AGAP1: variants seen among roughly 807,000 people sequenced by gnomAD.
The protein encoded by AGAP1 is ArfGAP with GTPase domain, ankyrin repeat and PH domain 1, also known as arf-GAP with GTPase, ANK repeat and PH domain-containing protein 1.
A neutral mutation model predicts 105.3 loss-of-function variants in AGAP1; 29 were observed. The observed-to-expected ratio is 0.28, with a 90% CI of 0.21 to 0.38. AGAP1 has a LOEUF of 0.38. AGAP1 is among the 10% of genes least tolerant of loss of function. The pLI, the probability that AGAP1 is intolerant of heterozygous loss-of-function variation, is 1.00. For missense variants in AGAP1, 998 were observed against 1,165.1 expected (o/e 0.86, Z 2.09); for synonymous variants, 509 against 485.9 (o/e 1.05, Z -0.63).
intron 12 of AGAP1, among the ~76,000 whole-genome samples, chr2:235,941,480 A>C (rs2053255612): frequency 2.0e-5 from 3 of 152,206 alleles, no homozygotes; most frequent in Admixed American, 2.0e-4. Context: ...ATAATCACTA[A>C]GGAAACAAAT....
At chr2:235,770,425 A>G (rs55797253) in intron 6 of AGAP1, among the ~76,000 whole-genome samples, 38,380 of 151,502 alleles carry the variant, frequency 0.25, 5,204 homozygotes, top group Admixed American at 0.39. Flanking sequence ...GTGAGCCACC[A>G]CGCCTGGCCT....
intron 16 of AGAP1, among the ~76,000 whole-genome samples, chr2:236,054,584 C>T (rs1416788526): frequency 6.6e-6 from 1 of 151,970 alleles, no homozygotes; most frequent in African/African-American, 2.4e-5. Flanking sequence ...GGCATCTGCT[C>T]CCCACATGTC....
At chr2:235,921,598 C>T (rs2125106343) in intron 11 of AGAP1, among the ~76,000 whole-genome samples, 1 of 152,224 alleles carries the variant, frequency 6.6e-6, no homozygotes, top group African/African-American at 2.4e-5. Context: ...TAAGCCTGGC[C>T]ACGTTGCTGT....
chr2:235,763,946 C>G (rs1182364650), intron 6 of AGAP1, among the ~76,000 whole-genome samples: 1 of 152,024 alleles, frequency 6.6e-6, no homozygotes, highest in Non-Finnish European at 1.5e-5. Context: ...AGCCGTGCTC[C>G]CCAGAATGCT....
intron 13 of AGAP1, among the ~76,000 whole-genome samples, chr2:235,972,729 G>T (rs1157013679): frequency 6.6e-6 from 1 of 152,138 alleles, no homozygotes; most frequent in African/African-American, 2.4e-5. Context: ...CCAGGACCAA[G>T]ACAAAACCAA....
rs986385175 is a variant in AGAP1 at position 235,720,853 on chromosome 2, G to A, written c.310+3209G>A. 1.3e-5 allele frequency: 4 copies of A among 304,732 alleles called. No individual in the cohort carries two copies. The highest frequency in any genetic ancestry group is 9.1e-5 in the African/African-American group (4 of 44,098). The allele number at this position is 304,732 out of a possible 1,614,324, so 18.9% of individuals were successfully genotyped here. A position where few individuals can be genotyped will look rare whatever the true frequency, so the allele number is the denominator to read the frequency against. On this transcript the variant is annotated intron_variant, in intron 3 of 17. Coordinates refer to ENST00000304032, the MANE Select transcript of AGAP1 (RefSeq NM_001037131.3). This position sits in a 1 kb window ranked among gnomAD's most constrained non-coding sequence, Gnocchi z 5.0. ...CATTTCTGGTGCAGAGCCGTCTCCA[G>A]ATCCAAGCCTGCTTTTCCTCAGATA...
chr2:235,866,697 A>G lies in AGAP1; in HGVS notation c.1051-16648A>G, dbSNP rs183987659. On this transcript the variant is annotated intron_variant, in intron 9 of 17. Coordinates refer to ENST00000304032, the MANE Select transcript of AGAP1 (RefSeq NM_001037131.3). This position sits in a 1 kb window ranked among gnomAD's most constrained non-coding sequence, Gnocchi z 6.1. The stretch of plus-strand genomic sequence containing the variant: ...AACAGCAAACATTTATTGTCTCCCA[A>G]TTCTGGAGGCTGGAAGTCTTGGATC... Among the ~76,000 whole-genome samples, 3 of 152,334 alleles carry G rather than the reference A, an allele frequency of 2.0e-5. No homozygotes were observed. The highest frequency in any genetic ancestry group is 1.9e-4 in the East Asian group (1 of 5,186).
chr2:236,014,397 C>G lies in AGAP1; in HGVS notation c.1646-22164C>G, dbSNP rs1415264819. 1.3e-5 allele frequency among the ~76,000 whole-genome samples: 2 copies of G among 152,176 alleles called. No homozygotes were observed. ...CCAGGGTCTCTTGATTTGACATGCT[C>G]CTAATATTTGGCCGAATCAAAGGGC... On this transcript the variant is annotated intron_variant, in intron 13 of 17. Coordinates refer to ENST00000304032, the MANE Select transcript of AGAP1 (RefSeq NM_001037131.3). The surrounding 1 kb of genome is among the most constrained non-coding windows in gnomAD (Gnocchi z 6.3).
At chr2:235,836,934 ACAACT>A (rs1960234549) in intron 9 of AGAP1, among the ~76,000 whole-genome samples, 1 of 152,092 alleles carries the variant, frequency 6.6e-6, no homozygotes, top group Admixed American at 6.5e-5. Flanking sequence ...ACTGGAGATC[ACAACT>A]CAGGCAGCTG....
intron 9 of AGAP1, among the ~76,000 whole-genome samples, chr2:235,859,185 C>G (rs528178671): frequency 6.6e-6 from 1 of 152,090 alleles, no homozygotes; most frequent in Non-Finnish European, 1.5e-5. Flanking sequence ...TTCCATTAGC[C>G]GTACTCTGGG....
chr2:235,497,758 C>G lies in AGAP1; in HGVS notation c.163+2909C>G, dbSNP rs1396251852. On this transcript the variant is annotated intron_variant, in intron 1 of 17. Transcript: ENST00000304032. ...TACAGGCGCCCACCACCTCGCCTGG[C>G]TAATTTTTTCTGTTTTTTTAGTAGA... Among the ~76,000 whole-genome samples, 7 of 152,206 alleles carry G rather than the reference C, an allele frequency of 4.6e-5. No homozygotes were observed. In the East Asian group the frequency reaches 1.3e-3, roughly 29 times the overall value.
rs1423635333 is a variant in AGAP1 at position 235,977,279 on chromosome 2, G to C, written c.1645+8656G>C. ...GTCATTTTCTTGATGGTCTCAAAAT[G>C]TTTGAGCTCTGAGGCTTTTCGGATG... On this transcript the variant is annotated intron_variant, in intron 13 of 17. Coordinates refer to ENST00000304032, the MANE Select transcript of AGAP1 (RefSeq NM_001037131.3). The surrounding 1 kb of genome is among the most constrained non-coding windows in gnomAD (Gnocchi z 5.2). 6.6e-6 allele frequency among the ~76,000 whole-genome samples: 1 copy of C among 151,976 alleles called. No homozygotes were observed. The highest frequency in any genetic ancestry group is 1.5e-5 in the Non-Finnish European group (1 of 68,012).
At chr2:235,681,010 C>A (rs370963814) in intron 1 of AGAP1, among the ~76,000 whole-genome samples, 3 of 152,044 alleles carry the variant, frequency 2.0e-5, no homozygotes, top group East Asian at 3.9e-4. Context: ...TCTAGCCCCC[C>A]CTCCCCCTTT....
chr2:235,734,806 A>G lies in AGAP1; in HGVS notation c.311-6157A>G, dbSNP rs1320702969. Among the ~76,000 whole-genome samples, 1 of 152,240 alleles carries G rather than the reference A, an allele frequency of 6.6e-6. No individual in the cohort carries two copies. Among genetic ancestry groups the G allele is most frequent in the Non-Finnish European group, 1.5e-5 (1 of 68,046 alleles). On this transcript the variant is annotated intron_variant, in intron 3 of 17. Coordinates refer to ENST00000304032, the MANE Select transcript of AGAP1 (RefSeq NM_001037131.3). The surrounding 1 kb of genome is among the most constrained non-coding windows in gnomAD (Gnocchi z 5.3). ...TTTCTGTAGGGCTTGTCTTAGCAGA[A>G]GTTCACATGGAAGAGAGGAGGCGTA...
chr2:235,654,524 A>G (rs921737018), intron 1 of AGAP1, among the ~76,000 whole-genome samples: 7 of 152,354 alleles, frequency 4.6e-5, no homozygotes, highest in Non-Finnish European at 7.3e-5. Context: ...TTGCTGTCGC[A>G]GTGTAGTAAA....
At position 235,649,220 on chromosome 2, in the gene AGAP1, C is replaced by T. The variant is rs368221342; in HGVS notation, c.164-59959C>T. Among the ~76,000 whole-genome samples, 14 of 152,218 alleles carry T rather than the reference C, an allele frequency of 9.2e-5. No homozygotes were observed. In the East Asian group the frequency reaches 1.9e-3, roughly 21 times the overall value. On this transcript the variant is annotated intron_variant, in intron 1 of 17. Coordinates refer to ENST00000304032, the MANE Select transcript of AGAP1 (RefSeq NM_001037131.3). ...GGAGGATTTTGTGGGGCAGTGGGAA[C>T]ATCAGTCTTTCCTAGGCTCAGGAGT...
Position 235,799,851 on chromosome 2 carries a change from A to T in AGAP1, c.957+329A>T, listed in dbSNP as rs1957408354. 6.6e-6 allele frequency among the ~76,000 whole-genome samples: 1 copy of T among 152,122 alleles called. No homozygotes were observed. The highest frequency in any genetic ancestry group is 2.4e-5 in the African/African-American group (1 of 41,414). On this transcript the variant is annotated intron_variant, in intron 8 of 17. Coordinates refer to ENST00000304032, the MANE Select transcript of AGAP1 (RefSeq NM_001037131.3). This position sits in a 1 kb window ranked among gnomAD's most constrained non-coding sequence, Gnocchi z 5.0. ...GAGATGACAAAACTCTAAGATTCCC[A>T]GATGTGTGTCTCTAACCGTTCAGAT...
chr2:235,902,397 A>G (rs2051107203), intron 10 of AGAP1, among the ~76,000 whole-genome samples: 1 of 152,148 alleles, frequency 6.6e-6, no homozygotes, highest in Non-Finnish European at 1.5e-5. Flanking sequence ...TTGCCCTTTG[A>G]ATGATCTTTT....
intron 1 of AGAP1, among the ~76,000 whole-genome samples, chr2:235,503,020 T>G (rs1559205895): frequency 6.6e-6 from 1 of 152,190 alleles, no homozygotes; most frequent in Non-Finnish European, 1.5e-5. Flanking sequence ...AAGTTAAACA[T>G]TTTTTAAAAA....
Sources: allele counts gnomAD v4.1 joint callset (sites outside exome capture counted in the v4.1 genomes callset), GRCh38; gene constraint gnomAD v4.1.1; non-coding constraint Gnocchi (gnomAD v3.1); transcripts MANE v1.5; gene names NCBI Gene and HGNC (gene_info 2026-07-23, HGNC 2026-07-21).